Variants in PPM1B observed in about 807,000 individuals in gnomAD.
The protein encoded by PPM1B is protein phosphatase, Mg2+/Mn2+ dependent 1B.
PPM1B carries 22 observed loss-of-function variants against 43.0 expected under a neutral mutation model. The ratio of observed to expected loss-of-function variants is 0.51; its 90% CI spans 0.37 to 0.73. The LOEUF (loss-of-function observed/expected upper bound fraction) is 0.73. PPM1B is among the 30% of genes least tolerant of loss of function. PPM1B has a pLI of 0.00. For synonymous variants in PPM1B, 217 were observed against 197.9 expected, an observed-to-expected ratio of 1.10 and a Z score of -0.81; for missense variants, 632 against 584.2, an observed-to-expected ratio of 1.08 and a Z score of -0.84.
At chr2:44,187,244 A>T (rs919616693) in intron 1 of PPM1B, among the ~76,000 whole-genome samples, 5 of 152,086 alleles carry the variant, frequency 3.3e-5, no homozygotes, top group African/African-American at 4.8e-5. Context: ...TATTTGCTTC[A>T]CTTTTTTTAA....
At chr2:44,202,088 A>G in intron 2 of PPM1B, 43 bp downstream of exon 2, 1 of 1,468,838 alleles carries the variant, frequency 6.8e-7, no homozygotes, top group Non-Finnish European at 9.0e-7. Flanking sequence ...GTTAATTTTG[A>G]AAAGTTACGG....
intron 5 of PPM1B, among the ~76,000 whole-genome samples, chr2:44,226,666 G>A (rs1392190824): frequency 6.9e-6 from 1 of 144,112 alleles, no homozygotes; most frequent in African/African-American, 2.6e-5. Context: ...CACTTTATGT[G>A]TAAATCTTTG....
chr2:44,170,428 A>G (rs1045129381), intron 1 of PPM1B, among the ~76,000 whole-genome samples: 5 of 152,246 alleles, frequency 3.3e-5, no homozygotes, highest in African/African-American at 9.6e-5. Flanking sequence ...TAGGAAAAAC[A>G]TTCTTTTTCT....
chr2:44,201,530 T>A lies in PPM1B; in HGVS notation c.331T>A (p.Leu111Met). 1 of 1,614,206 alleles carries A rather than the reference T, an allele frequency of 6.2e-7. No individual in the cohort carries two copies. The highest frequency in any genetic ancestry group is 8.5e-7 in the Non-Finnish European group (1 of 1,180,038). Reference protein sequence around the residue: ...NVKNGIRTGFLKIDEYMRNFS... With the variant: ...NVKNGIRTGFMKIDEYMRNFS... ...TAAGAATGGTATCAGAACTGGATTT[T>A]TGAAAATTGATGAATACATGCGTAA... is the stretch of plus-strand genomic sequence containing the variant. The change falls in exon 2 of 6, where the codon TTG becomes ATG. Residue 111 changes from leucine to methionine, a missense_variant. Around this residue, in one of 3 missense-constraint regions of PPM1B, gnomAD observed 200 missense variants for 200.7 expected, o/e 1.00. Transcript: ENST00000282412. This position sits in a 1 kb window ranked among gnomAD's most constrained non-coding sequence, Gnocchi z 5.4.
chr2:44,231,708 T>C (rs1670474762), downstream of PPM1B, among the ~76,000 whole-genome samples: 1 of 152,138 alleles, frequency 6.6e-6, no homozygotes, highest in Non-Finnish European at 1.5e-5. Context: ...TTGGACATTA[T>C]GGGCACACAT....
chr2:44,241,216 T>C lies in PPM1B; in HGVS notation n.1547-3012T>C, dbSNP rs1386844515. Among the ~76,000 whole-genome samples, 3 of 142,062 alleles carry C rather than the reference T, an allele frequency of 2.1e-5. 1 individual carries two copies. Among genetic ancestry groups the C allele is most frequent in the Non-Finnish European group, 4.7e-5 (3 of 63,976 alleles). The allele number at this position is 142,062 out of a possible 152,430, so 93.2% of individuals were successfully genotyped here. A position where few individuals can be genotyped will look rare whatever the true frequency, so the allele number is the denominator to read the frequency against. ...GGGGGTTTCTCCATGTTGGCCAGGCTGGTCTCGAACTCCCGACCTCAGGTG... is the reference window on the plus strand; with the variant it reads ...GGGGGTTTCTCCATGTTGGCCAGGCCGGTCTCGAACTCCCGACCTCAGGTG... On this transcript the variant is annotated intron_variant and non_coding_transcript_variant, in intron 5 of 5. Transcript: ENST00000378540.
At position 44,202,980 on chromosome 2, in the gene PPM1B, T is replaced by C. The variant is rs1572717205; in HGVS notation, c.846+935T>C. ...AAGGTAAAACTGACCTTTAGTTACA[T>C]GAAATAAATAAAGGGTTTGACTTAT... is the stretch of plus-strand genomic sequence containing the variant. On this transcript the variant is annotated intron_variant, in intron 2 of 5. Transcript: ENST00000282412. Among the ~76,000 whole-genome samples, 3 of 152,290 alleles carry C rather than the reference T, an allele frequency of 2.0e-5. No individual in the cohort carries two copies. In the East Asian group the frequency reaches 5.8e-4, roughly 29 times the overall value.
chr2:44,225,001 AT>A (rs1016289528), intron 5 of PPM1B, among the ~76,000 whole-genome samples: 3 of 152,186 alleles, frequency 2.0e-5, no homozygotes, highest in African/African-American at 7.2e-5. Context: ...AAAGATAGAC[AT>A]TGATGTTAAT....
intron 1 of PPM1B, among the ~76,000 whole-genome samples, chr2:44,193,283 C>T (rs935355075): frequency 3.3e-5 from 5 of 152,122 alleles, no homozygotes; most frequent in African/African-American, 1.2e-4. Flanking sequence ...GTCATTGTGC[C>T]TTTAATTTGC....
intron 5 of PPM1B, among the ~76,000 whole-genome samples, chr2:44,220,307 A>G (rs948716148): frequency 1.3e-5 from 2 of 151,578 alleles, no homozygotes; most frequent in Non-Finnish European, 2.9e-5. Context: ...GGGGTCCTTC[A>G]TAGTCTATTT....
chr2:44,205,354 G>GGTGTGT (rs3074507), intron 2 of PPM1B, among the ~76,000 whole-genome samples: 4 of 91,822 alleles, frequency 4.4e-5, no homozygotes, highest in Admixed American at 1.3e-4. Context: ...TGTGGGTGTG[G>GGTGTGT]GTGTGTGTGT....
rs962648464 is a variant in PPM1B at position 44,201,768 on chromosome 2, A to G, written c.569A>G (p.Gln190Arg). Residue 190 changes from glutamine to arginine, a missense_variant, in exon 2 of 6, where the codon CAA becomes CGA. By Grantham distance (43) the Gln-to-Arg change is conservative (BLOSUM62 1). Coordinates refer to ENST00000282412, the MANE Select transcript of PPM1B (RefSeq NM_002706.6). This position sits in a 1 kb window ranked among gnomAD's most constrained non-coding sequence, Gnocchi z 5.4. ...AATGCAGGAGGCAGCGTGATGATACAACGTGTTAATGGTTCATTAGCAGTA... is the reference window on the plus strand; with the variant it reads ...AATGCAGGAGGCAGCGTGATGATACGACGTGTTAATGGTTCATTAGCAGTA... ...IQNAGGSVMI[Q>R]RVNGSLAVSR... 2 of 1,614,258 alleles carry G rather than the reference A, an allele frequency of 1.2e-6. No individual in the cohort carries two copies. Among genetic ancestry groups the G allele is most frequent in the Admixed American group, 3.3e-5 (2 of 60,026 alleles).
chr2:44,194,736 A>C (rs569432735), intron 1 of PPM1B, among the ~76,000 whole-genome samples: 4 of 152,072 alleles, frequency 2.6e-5, no homozygotes, highest in African/African-American at 9.6e-5. Context: ...AAAAAGAAGA[A>C]GGCTGAGCAG....
At chr2:44,242,491 TA>T (rs1670771015) in intron 5 of PPM1B, among the ~76,000 whole-genome samples, 1 of 152,214 alleles carries the variant, frequency 6.6e-6, no homozygotes, top group Non-Finnish European at 1.5e-5. Flanking sequence ...GAATTTTTCA[TA>T]AAATCTTGAG....
At chr2:44,208,386 CT>C (rs1305908111) in intron 2 of PPM1B, among the ~76,000 whole-genome samples, 8 of 152,246 alleles carry the variant, frequency 5.3e-5, no homozygotes, top group Non-Finnish European at 1.0e-4. Context: ...ACAGTCCCCC[CT>C]GTTACTGTGC....
At chr2:44,190,779 A>G (rs550745953) in intron 1 of PPM1B, among the ~76,000 whole-genome samples, 16 of 152,292 alleles carry the variant, frequency 1.1e-4, no homozygotes, top group Admixed American at 9.8e-4. Context: ...GCAAGTACCC[A>G]TATTTTTGTT....
chr2:44,200,097 T>A (rs1668863187), intron 1 of PPM1B, among the ~76,000 whole-genome samples: 1 of 152,234 alleles, frequency 6.6e-6, no homozygotes, highest in African/African-American at 2.4e-5. Flanking sequence ...CTATGGAGTC[T>A]GCATTTTGAG....
chr2:44,230,280 TAATAA>T, intron 5 of PPM1B, 128 bp from the exon 6 acceptor site: 1 of 1,486,612 alleles, frequency 6.7e-7, no homozygotes. Context: ...AATTGATATT[TAATAA>T]AATGTTCTCA....
Position 44,201,710 on chromosome 2 carries a change from C to G in PPM1B, c.511C>G (p.Pro171Ala). Residue 171 changes from proline to alanine, a missense_variant, in exon 2 of 6, where the codon CCT becomes GCT. Pro to Ala is a conservative substitution (Grantham distance 27). This residue lies in a region of PPM1B where 40 missense variants were observed against 80.8 expected (regional missense o/e 0.50). Transcript: ENST00000282412. The surrounding 1 kb of genome is among the most constrained non-coding windows in gnomAD (Gnocchi z 5.4). Reference protein sequence around the residue: ...QVCFSTQDHKPCNPREKERIQ... With the variant: ...QVCFSTQDHKACNPREKERIQ... ...CTGCTTTTCTACCCAGGATCACAAA[C>G]CTTGCAATCCAAGGGAAAAGGAGCG... is the stretch of plus-strand genomic sequence containing the variant. The G allele has an allele frequency of 6.2e-7, 1 of 1,614,176 alleles. No individual in the cohort carries two copies. Among genetic ancestry groups the G allele is most frequent in the Non-Finnish European group, 8.5e-7 (1 of 1,180,026 alleles).
Sources: gnomAD v4.1 joint callset for allele counts (sites outside exome capture counted in the v4.1 genomes callset) on GRCh38, gnomAD v4.1.1 for gene constraint, gnomAD v4.1.1 regional missense constraint, Gnocchi (gnomAD v3.1) non-coding constraint, MANE v1.5 for transcripts, NCBI Gene and HGNC (gene_info 2026-07-23, HGNC 2026-07-21) for gene names.